Variants in PIKFYVE observed in about 807,000 individuals in gnomAD.
PIKFYVE encodes 1-phosphatidylinositol 3-phosphate 5-kinase.
Under a neutral mutation model 257.9 loss-of-function variants are expected in PIKFYVE, and 122 were observed. The ratio of observed to expected loss-of-function variants is 0.47; its 90% CI spans 0.41 to 0.55. PIKFYVE has a LOEUF of 0.55. PIKFYVE is among the 20% of genes least tolerant of loss of function. PIKFYVE has a pLI of 0.00. For synonymous variants in PIKFYVE, 892 were observed against 868.9 expected, an observed-to-expected ratio of 1.03 and a Z score of -0.47; for missense variants, 2,160 against 2,536.6, an observed-to-expected ratio of 0.85 and a Z score of 3.19.
At chr2:208,338,205 A>AT (rs915465287) in intron 28 of PIKFYVE, among the ~76,000 whole-genome samples, 9 of 150,448 alleles carry the variant, frequency 6.0e-5, no homozygotes, top group African/African-American at 1.2e-4. Context: ...TCTTTCACCA[A>AT]TTTTTTTTTT....
At chr2:208,351,253 T>C (rs967984981) in intron 37 of PIKFYVE, 99 bp from the exon 38 acceptor site, 11 of 1,081,486 alleles carry the variant, frequency 1.0e-5, no homozygotes, top group Non-Finnish European at 1.4e-5. Flanking sequence ...CCCCTTAAAA[T>C]CATAAAACAA....
intron 3 of PIKFYVE, chr2:208,274,068 T>A (rs1358117387): frequency 6.2e-7 from 1 of 1,610,082 alleles, no homozygotes; most frequent in East Asian, 2.2e-5. Context: ...GTTTCCACTT[T>A]GTGAATGAAT....
At position 208,345,129 on chromosome 2, in the gene PIKFYVE, T is replaced by C; in HGVS notation, c.5046T>C (p.Asn1682=). 2 of 1,610,800 alleles carry C rather than the reference T, an allele frequency of 1.2e-6. No individual in the cohort carries two copies. Among genetic ancestry groups the C allele is most frequent in the Non-Finnish European group, 8.5e-7 (1 of 1,177,178 alleles). The change falls in exon 33 of 42, where the codon AAT becomes AAC. Residue 1682 remains asparagine, a synonymous_variant. Transcript: ENST00000264380. ...AFALSCKEYR[N]ALEELSKATQ... ...CCCTAAGTTGTAAAGAATACCGAAA[T>C]GCCTTAGAGGAATTGTCTAAAGCGA...
At chr2:208,278,322 A>G (rs1261364761) in intron 5 of PIKFYVE, among the ~76,000 whole-genome samples, 1 of 151,484 alleles carries the variant, frequency 6.6e-6, no homozygotes. Flanking sequence ...ACTACTACAG[A>G]GTTCAGAATC....
chr2:208,309,107 ATGT>A (rs2125406173), intron 12 of PIKFYVE, among the ~76,000 whole-genome samples: 1 of 152,242 alleles, frequency 6.6e-6, no homozygotes, highest in East Asian at 1.9e-4. Flanking sequence ...CTCCTAGGTT[ATGT>A]TATAGGGACT....
intron 2 of PIKFYVE, among the ~76,000 whole-genome samples, chr2:208,272,185 A>G (rs1386195138): frequency 2.6e-5 from 4 of 151,934 alleles, no homozygotes; most frequent in Admixed American, 2.0e-4. Context: ...CAGTGAGCCG[A>G]GATTGCGCGA....
At chr2:208,297,975 T>G (rs1278104182) in intron 7 of PIKFYVE, among the ~76,000 whole-genome samples, 1 of 152,216 alleles carries the variant, frequency 6.6e-6, no homozygotes, top group African/African-American at 2.4e-5. Flanking sequence ...TAGCATAATG[T>G]AATAATATTT....
At position 208,353,894 on chromosome 2, in the gene PIKFYVE, C is replaced by T. The variant is rs1699994041; in HGVS notation, c.5845-4C>T. 6.2e-7 allele frequency: 1 copy of T among 1,613,488 alleles called. No homozygotes were observed. The highest frequency in any genetic ancestry group is 1.7e-5 in the Admixed American group (1 of 59,984). ...TAAATGACAAAGCATTTTCTTTTTA[C>T]TAGGTTTTTGATTTGAAGGGCTCTC... is the stretch of plus-strand genomic sequence containing the variant. On this transcript the variant is annotated splice_region_variant and splice_polypyrimidine_tract_variant and intron_variant, in intron 39 of 41. Coordinates refer to ENST00000264380, the MANE Select transcript of PIKFYVE (RefSeq NM_015040.4).
intron 12 of PIKFYVE, among the ~76,000 whole-genome samples, chr2:208,305,802 C>G (rs1208274365): frequency 6.6e-6 from 1 of 152,074 alleles, no homozygotes; most frequent in Non-Finnish European, 1.5e-5. Context: ...ATAAAAAATA[C>G]ATGAGTAAAT....
chr2:208,273,597 A>C lies in PIKFYVE; in HGVS notation c.186A>C (p.Gly62=), dbSNP rs1237495374. 1 of 1,614,108 alleles carries C rather than the reference A, an allele frequency of 6.2e-7. No homozygotes were observed. Residue 62 remains glycine (G), a synonymous_variant, in exon 3 of 42, where the codon GGA becomes GGC. Coordinates refer to ENST00000264380, the MANE Select transcript of PIKFYVE (RefSeq NM_015040.4). ...LFRFNKERAE[G]GQGEQQPLSG... is the part of the protein sequence containing the mutation. ...CCCTTGCTACAGAGAGAGCAGAAGGAGGCCAGGGAGAACAGCAGCCTTTGA... is the reference window on the plus strand; with the variant it reads ...CCCTTGCTACAGAGAGAGCAGAAGGCGGCCAGGGAGAACAGCAGCCTTTGA...
intron 8 of PIKFYVE, 33 bp from the exon 9 acceptor site, chr2:208,300,904 A>C: frequency 6.2e-7 from 1 of 1,613,336 alleles, no homozygotes; most frequent in Non-Finnish European, 8.5e-7. Flanking sequence ...CATTTTTCTC[A>C]AGGGTAACTA....
At chr2:208,270,058 T>C (rs1477140348) in intron 1 of PIKFYVE, 2 of 162,536 alleles carry the variant, frequency 1.2e-5, no homozygotes, top group Non-Finnish European at 2.8e-5. Context: ...TTTTTTTTTT[T>C]TGTGGATGGA....
chr2:208,334,279 T>G (rs1697883604), intron 24 of PIKFYVE: 1 of 152,566 alleles, frequency 6.6e-6, no homozygotes, highest in Non-Finnish European at 1.5e-5. Flanking sequence ...AACACAGCAG[T>G]CAGAGTGGTT....
chr2:208,317,048 A>G (rs1217049027), intron 15 of PIKFYVE, among the ~76,000 whole-genome samples: 2 of 149,340 alleles, frequency 1.3e-5, no homozygotes, highest in South Asian at 2.1e-4. Flanking sequence ...AAACGTAGGC[A>G]TTACCATTCA....
At chr2:208,337,139 T>C (rs1370848377) in intron 28 of PIKFYVE, among the ~76,000 whole-genome samples, 2 of 152,192 alleles carry the variant, frequency 1.3e-5, no homozygotes, top group South Asian at 2.1e-4. Context: ...ATTTATTTAT[T>C]TGAAATGTTT....
At chr2:208,331,585 C>A (rs903715574) in intron 23 of PIKFYVE, among the ~76,000 whole-genome samples, 18 of 152,184 alleles carry the variant, frequency 1.2e-4, no homozygotes, top group Admixed American at 1.3e-4. Flanking sequence ...CTACGTTAGC[C>A]AGGCTGGTCT....
chr2:208,342,958 C>A (rs1476526895), intron 32 of PIKFYVE, among the ~76,000 whole-genome samples: 1 of 151,986 alleles, frequency 6.6e-6, no homozygotes, highest in Non-Finnish European at 1.5e-5. Context: ...CCATGCCCAG[C>A]TAATTTTTGT....
intron 25 of PIKFYVE, among the ~76,000 whole-genome samples, 182 bp downstream of exon 25, chr2:208,335,601 T>G (rs1356803637): frequency 6.6e-6 from 1 of 152,220 alleles, no homozygotes; most frequent in Non-Finnish European, 1.5e-5. Context: ...CCAAACTCTT[T>G]TAGACATAAC....
At chr2:208,308,709 G>GTT (rs34169884) in intron 12 of PIKFYVE, among the ~76,000 whole-genome samples, 5,092 of 140,426 alleles carry the variant, frequency 0.036, 131 homozygotes, top group Non-Finnish European at 0.05. Flanking sequence ...CTAGTAGTTG[G>GTT]TTTTTTTTTT....
Sources: allele counts gnomAD v4.1 joint callset (sites outside exome capture counted in the v4.1 genomes callset), GRCh38; gene constraint gnomAD v4.1.1; transcripts MANE v1.5; gene names NCBI Gene and HGNC (gene_info 2026-07-23, HGNC 2026-07-21).